The following RAD51B variants were observed in gnomAD, a reference collection of about 807,000 sequenced individuals.
RAD51B encodes DNA repair protein RAD51 homolog 2.
RAD51B carries 38 observed loss-of-function variants against 42.2 expected under a neutral mutation model. The observed-to-expected ratio is 0.90, with a 90% CI of 0.70 to 1.18. The LOEUF (loss-of-function observed/expected upper bound fraction) is 1.18. RAD51B is among the 50% of genes most tolerant of loss of function. The pLI, the probability that RAD51B is intolerant of heterozygous loss-of-function variation, is 0.00. For missense variants in RAD51B, 373 were observed against 400.7 expected (o/e 0.93, Z 0.59); for synonymous variants, 154 against 145.2 (o/e 1.06, Z -0.43).
chr14:68,289,831 G>A (rs1427420047), intron 7 of RAD51B, among the ~76,000 whole-genome samples: 1 of 152,086 alleles, frequency 6.6e-6, no homozygotes, highest in Non-Finnish European at 1.5e-5. Flanking sequence ...CATATCTTAG[G>A]TGATTCTCAC....
At chr14:68,072,070 A>ATTATATATATTT (rs1440869222) in intron 7 of RAD51B, among the ~76,000 whole-genome samples, 2 of 104,710 alleles carry the variant, frequency 1.9e-5, no homozygotes, top group Admixed American at 9.6e-5. Context: ...TATTTATATA[A>ATTATATATATTT]ATATATAAAT....
intron 7 of RAD51B, among the ~76,000 whole-genome samples, chr14:68,201,108 T>A (rs2079476539): frequency 1.3e-5 from 2 of 152,210 alleles, no homozygotes; most frequent in Admixed American, 6.5e-5. Context: ...ATGAATTTTT[T>A]AAAAAATACA....
chr14:68,191,157 G>A, intron 7 of RAD51B, among the ~76,000 whole-genome samples: 1 of 152,088 alleles, frequency 6.6e-6, no homozygotes, highest in East Asian at 1.9e-4. Flanking sequence ...TGGCAGAGAT[G>A]GGAGAAGAAA....
At chr14:68,247,475 C>T (rs974000956) in intron 7 of RAD51B, among the ~76,000 whole-genome samples, 14 of 152,154 alleles carry the variant, frequency 9.2e-5, no homozygotes, top group African/African-American at 2.9e-4. Flanking sequence ...AGTGCAGGAA[C>T]GGAAATGAAA....
At chr14:68,482,933 C>G (rs1337042295), downstream of RAD51B, among the ~76,000 whole-genome samples, 5 of 152,200 alleles carry the variant, frequency 3.3e-5, no homozygotes, top group Admixed American at 1.3e-4. Context: ...CCATGCATGT[C>G]TGAGACTCTC....
intron 10 of RAD51B, among the ~76,000 whole-genome samples, chr14:68,623,503 A>G (rs372271587): frequency 4.6e-5 from 7 of 152,224 alleles, no homozygotes; most frequent in South Asian, 2.1e-4. Flanking sequence ...TAGAAGGCAG[A>G]TGGGGGCTGA....
rs371136013 is a variant in RAD51B, at chr14:68,641,435, T to A, written c.1037-9346T>A. Among the ~76,000 whole-genome samples, 14 of 152,218 alleles carry A rather than the reference T, an allele frequency of 9.2e-5. No individual in the cohort carries two copies. The East Asian group carries it at 2.5e-3, about 27-fold the overall frequency. ...CTTTCTTCCTTCTGAATCTGAACAC[T>A]TTTTATTTCCTTTTCTTGTCTTATT... On this transcript the variant is annotated intron_variant, in intron 10 of 11. Transcript: ENST00000488612.
intron 10 of RAD51B, among the ~76,000 whole-genome samples, chr14:68,575,761 G>T (rs1249470755): frequency 1.3e-5 from 2 of 152,206 alleles, no homozygotes; most frequent in East Asian, 1.9e-4. Context: ...CACCAACATA[G>T]CTTCAAAAGA....
chr14:68,037,370 G>A (rs1344386855), intron 7 of RAD51B, among the ~76,000 whole-genome samples: 1 of 150,864 alleles, frequency 6.6e-6, no homozygotes, highest in African/African-American at 2.4e-5. Flanking sequence ...ACAGGCACGT[G>A]CCGCCACACC....
intron 7 of RAD51B, among the ~76,000 whole-genome samples, chr14:68,153,528 A>G (rs2078435059): frequency 6.6e-6 from 1 of 152,176 alleles, no homozygotes; most frequent in African/African-American, 2.4e-5. Context: ...AATAATAGCC[A>G]TTCTGACTTG....
At chr14:67,891,940 T>C (rs528571097) in intron 7 of RAD51B, among the ~76,000 whole-genome samples, 2 of 152,308 alleles carry the variant, frequency 1.3e-5, no homozygotes, top group South Asian at 4.1e-4. Context: ...CCTGATGAAG[T>C]CACTCTGATT....
intron 7 of RAD51B, among the ~76,000 whole-genome samples, chr14:67,989,363 G>A (rs1157233468): frequency 2.6e-5 from 4 of 152,082 alleles, no homozygotes; most frequent in South Asian, 2.1e-4. Context: ...GAGGCCGGGC[G>A]CAGTGGCTCA....
chr14:68,247,960 T>A (rs966785915), intron 7 of RAD51B, among the ~76,000 whole-genome samples: 2 of 152,192 alleles, frequency 1.3e-5, no homozygotes, highest in Admixed American at 1.3e-4. Context: ...TAATTGATCC[T>A]CAGGACAGTG....
intron 10 of RAD51B, among the ~76,000 whole-genome samples, chr14:68,527,217 A>T (rs1236230857): frequency 1.3e-5 from 2 of 152,216 alleles, no homozygotes; most frequent in Admixed American, 6.5e-5. Context: ...GAGTTTCTTG[A>T]CTTTTTCTTA....
intron 8 of RAD51B, among the ~76,000 whole-genome samples, chr14:68,409,883 T>A (rs539986637): frequency 6.6e-6 from 1 of 152,370 alleles, no homozygotes; most frequent in Admixed American, 6.5e-5. Flanking sequence ...GTGTGCATAA[T>A]GAACTGAGGT....
chr14:68,636,942 C>G (rs758877080), intron 10 of RAD51B, among the ~76,000 whole-genome samples: 5 of 152,234 alleles, frequency 3.3e-5, no homozygotes, highest in African/African-American at 4.8e-5. Context: ...TAGTTGCTCT[C>G]TAGCCCCTGT....
At chr14:68,621,794 C>A (rs1891954412) in intron 10 of RAD51B, among the ~76,000 whole-genome samples, 1 of 27,742 alleles carries the variant, frequency 3.6e-5, no homozygotes, top group South Asian at 9.2e-4. Context: ...AAGAATAAAA[C>A]AAGCTGTCAG....
intron 7 of RAD51B, among the ~76,000 whole-genome samples, chr14:68,291,313 C>G (rs933926573): frequency 1.3e-5 from 2 of 152,162 alleles, no homozygotes; most frequent in African/African-American, 4.8e-5. Context: ...ATTCTCCTGC[C>G]TCAGCCTCCC....
At chr14:68,251,153 A>G (rs1325104992) in intron 7 of RAD51B, among the ~76,000 whole-genome samples, 1 of 152,166 alleles carries the variant, frequency 6.6e-6, no homozygotes, top group Non-Finnish European at 1.5e-5. Flanking sequence ...TCCAGGGGAA[A>G]AAAAGAAGTG....
Sources: gnomAD v4.1 joint callset for allele counts (sites outside exome capture counted in the v4.1 genomes callset) on GRCh38, gnomAD v4.1.1 for gene constraint, MANE v1.5 for transcripts, NCBI Gene and HGNC (gene_info 2026-07-23, HGNC 2026-07-21) for gene names.